The following MYBBP1A variants were observed in gnomAD, a reference collection of about 807,000 sequenced individuals.
MYBBP1A encodes MYB binding protein 1a.
In MYBBP1A, 147 loss-of-function variants were observed where a neutral mutation model predicts 136.3. The ratio of observed to expected loss-of-function variants is 1.08; its 90% CI spans 0.94 to 1.24. The LOEUF (loss-of-function observed/expected upper bound fraction) is 1.24, where lower values mean the gene tolerates loss of function less well. Ranked by LOEUF, MYBBP1A falls within the 50% of genes most tolerant of loss-of-function variation. The pLI is 0.00. For missense variants in MYBBP1A, 2,060 were observed against 1,727.4 expected (o/e 1.19, Z -3.41); for synonymous variants, 947 against 735.8 (o/e 1.29, Z -4.65).
chr17:4,545,576 A>C lies in MYBBP1A; in HGVS notation c.2073+34T>G, dbSNP rs374463822. 2.0e-4 allele frequency: 312 copies of C among 1,549,988 alleles called. 3 individuals are homozygous for C. In the East Asian group the frequency reaches 3.3e-3, roughly 17 times the overall value. On this transcript the variant is annotated intron_variant, in intron 15 of 25. Coordinates refer to ENST00000254718, the MANE Select transcript of MYBBP1A (RefSeq NM_014520.4). ...TGCAGCTCGCTGCTCAGTGAGCCCCAGCCCACATTCCACTCCCAAAGGTCC... is the reference window on the plus strand; with the variant it reads ...TGCAGCTCGCTGCTCAGTGAGCCCCCGCCCACATTCCACTCCCAAAGGTCC...
chr17:4,549,962 G>T, intron 9 of MYBBP1A, 96 bp downstream of exon 9: 1 of 1,372,432 alleles, frequency 7.3e-7, no homozygotes, highest in Non-Finnish European at 1.0e-6. Context: ...ATGGTTTAGA[G>T]CCAGGACGCT....
In MYBBP1A at chr17:4,539,823, C is replaced by T. The variant is rs1906190848; in HGVS notation, c.3579G>A (p.Glu1193=). ...KRKSEDGTPA[E]DGTPAATGGS... is the part of the protein sequence containing the mutation. ...CGCCGGTGGCTGCAGGTGTGCCATC[C>T]TCCGCTGGCGTGCCATCCTCTGACT... The change falls in exon 26 of 26, where the codon GAG becomes GAA. Residue 1193 remains glutamate (E), a synonymous_variant. Coordinates refer to ENST00000254718, the MANE Select transcript of MYBBP1A (RefSeq NM_014520.4). The T allele has an allele frequency of 6.2e-7, 1 of 1,611,006 alleles. No homozygotes were observed. The highest frequency in any genetic ancestry group is 8.5e-7 in the Non-Finnish European group (1 of 1,179,986).
Position 4,553,350 on chromosome 17 carries a change from AG to A in MYBBP1A, c.561+459del, listed in dbSNP as rs979384674. 9.8e-5 allele frequency among the ~76,000 whole-genome samples: 15 copies of A among 152,346 alleles called. 1 individual carries two copies. The highest frequency in any genetic ancestry group is 1.3e-4 in the Admixed American group (2 of 15,312). Reference sequence around the variant, plus strand: ...CCAAGTAGGGCAGTGGAGGCCCACAAGGGGCCAGCCTTGACCAGGATAACAA... The same window carrying A: ...CCAAGTAGGGCAGTGGAGGCCCACAAGGGCCAGCCTTGACCAGGATAACAA... On this transcript the variant is annotated intron_variant, in intron 5 of 25. Coordinates refer to ENST00000254718, the MANE Select transcript of MYBBP1A (RefSeq NM_014520.4).
intron 17 of MYBBP1A, 32 bp downstream of exon 17, chr17:4,544,994 C>CGG: frequency 9.8e-6 from 14 of 1,424,998 alleles, no homozygotes; most frequent in East Asian, 2.6e-5. Context: ...GAGCCCTCCC[C>CGG]GGCCGCCCCC....
At chr17:4,544,412 A>AT in intron 19 of MYBBP1A, 77 bp downstream of exon 19, 1 of 1,521,368 alleles carries the variant, frequency 6.6e-7, no homozygotes, top group East Asian at 2.5e-5. Context: ...CTGTGCAGAC[A>AT]GCAAGCCTAG....
At chr17:4,550,385 C>T (rs764703569) in intron 8 of MYBBP1A, 32 bp from the exon 9 acceptor site, 3 of 1,585,702 alleles carry the variant, frequency 1.9e-6, no homozygotes, top group East Asian at 4.5e-5. Context: ...CTGAGCCCAC[C>T]AGCCCAGGGG....
chr17:4,545,383 C>T (rs1405327373), intron 15 of MYBBP1A, 38 bp from the exon 16 acceptor site: 11 of 1,608,376 alleles, frequency 6.8e-6, no homozygotes, highest in South Asian at 1.1e-5. Flanking sequence ...ATTTGCAGCC[C>T]CCGCCCTCCT....
chr17:4,548,692 G>C lies in MYBBP1A; in HGVS notation c.1431-43C>G. The C allele has an allele frequency of 6.2e-7, 1 of 1,612,124 alleles. No individual in the cohort carries two copies. Among genetic ancestry groups the C allele is most frequent in the Non-Finnish European group, 8.5e-7 (1 of 1,179,084 alleles). On this transcript the variant is annotated intron_variant, in intron 10 of 25. Coordinates refer to ENST00000254718, the MANE Select transcript of MYBBP1A (RefSeq NM_014520.4). This position sits in a 1 kb window ranked among gnomAD's most constrained non-coding sequence, Gnocchi z 4.2. ...GTGGCCATAGCCATTCACTGCCATT[G>C]GTTTTTACAGGCTCCCCTCCTTGGA...
chr17:4,551,049 A>G (rs1355129604), intron 8 of MYBBP1A, among the ~76,000 whole-genome samples: 1 of 152,326 alleles, frequency 6.6e-6, no homozygotes, highest in African/African-American at 2.4e-5. Context: ...TGCCATGATC[A>G]TGGCTCACTG....
Position 4,551,838 on chromosome 17 carries a change from C to G in MYBBP1A, c.1023+42G>C, listed in dbSNP as rs773781828. The G allele has an allele frequency of 5.7e-6, 9 of 1,572,272 alleles. No individual in the cohort carries two copies. In the South Asian group the frequency reaches 1.0e-4, roughly 18 times the overall value. On this transcript the variant is annotated intron_variant, in intron 8 of 25. Transcript: ENST00000254718. ...CTTTTTGGCAGGGAGAGCTCCACGT[C>G]TAGCCTTTCTGGCAGTGTCGAGCTG...
Position 4,543,031 on chromosome 17 carries a change from T to C in MYBBP1A, c.2774A>G (p.Asn925Ser), listed in dbSNP as rs1906611357. The change falls in exon 20 of 26, where the codon AAC becomes AGC. Residue 925 changes from asparagine to serine, a missense_variant. Coordinates refer to ENST00000254718, the MANE Select transcript of MYBBP1A (RefSeq NM_014520.4). ...GACCCGGAGCAGGTAGAGAGAGGCG[T>C]TGAAGTGGTAGAGGGCGGTGGGGGA... ...PDSPTALYHF[N>S]ASLYLLRVLK... 1.2e-6 allele frequency: 2 copies of C among 1,613,640 alleles called. No homozygotes were observed. The highest frequency in any genetic ancestry group is 1.7e-6 in the Non-Finnish European group (2 of 1,179,926).
intron 13 of MYBBP1A, among the ~76,000 whole-genome samples, chr17:4,546,877 G>GC (rs1907059866): frequency 6.6e-6 from 1 of 151,348 alleles, no homozygotes; most frequent in Admixed American, 6.6e-5. Context: ...CAGGCTGTGT[G>GC]CCCAAGCAGG....
intron 4 of MYBBP1A, 34 bp downstream of exon 4, chr17:4,553,985 G>A (rs1907775974): frequency 6.2e-7 from 1 of 1,613,710 alleles, no homozygotes; most frequent in South Asian, 1.1e-5. Context: ...TCCCAAGCCA[G>A]CCTACATTCC....
Position 4,548,659 on chromosome 17 carries a change from G to A in MYBBP1A, c.1431-10C>T, listed in dbSNP as rs768309572. On this transcript the variant is annotated splice_polypyrimidine_tract_variant and intron_variant, in intron 10 of 25. Transcript: ENST00000254718. This position sits in a 1 kb window ranked among gnomAD's most constrained non-coding sequence, Gnocchi z 4.2. ...GTGGAACAAACAAAACCTGGGGAGG[G>A]TGGGAGAGTGGCCATAGCCATTCAC... 1 of 1,614,092 alleles carries A rather than the reference G, an allele frequency of 6.2e-7. No individual in the cohort carries two copies. Among genetic ancestry groups the A allele is most frequent in the Non-Finnish European group, 8.5e-7 (1 of 1,180,020 alleles).
rs200081227 is a variant in MYBBP1A at position 4,542,489 on chromosome 17, G to A, written c.3062C>T (p.Thr1021Met). 602 of 1,611,724 alleles carry A rather than the reference G, an allele frequency of 3.7e-4. No individual in the cohort carries two copies. The highest frequency in any genetic ancestry group is 1.1e-3 in the South Asian group (101 of 90,882). Residue 1021 changes from threonine (T) to methionine (M), a missense_variant, in exon 22 of 26, where the codon ACG (threonine) becomes ATG (methionine). Coordinates refer to ENST00000254718, the MANE Select transcript of MYBBP1A (RefSeq NM_014520.4). ...SLLPILVQHI[T>M]GPVRPRHQAC... ...CTGATGACGGGGCCGCACCGGGCCC[G>A]TGATATGCTGGACCAGGATGGGGAG... is the stretch of plus-strand genomic sequence containing the variant.
chr17:4,545,055 T>G lies in MYBBP1A; in HGVS notation c.2281A>C (p.Met761Leu), dbSNP rs138647967. The G allele has an allele frequency of 1.2e-3, 1,723 of 1,491,842 alleles. 9 individuals carry two copies. The highest frequency in any genetic ancestry group is 8.8e-3 in the Middle Eastern group (50 of 5,660). 92.4% of individuals were successfully genotyped at this position (1,491,842 alleles called of 1,614,324 possible). A position where few individuals can be genotyped will look rare whatever the true frequency, so the allele number is the denominator to read the frequency against. ...DVDQGFREQLMTVLQAGKALG... is the reference protein window; with the variant it reads ...DVDQGFREQLLTVLQAGKALG... ...GCCTTCCCAGCCTGCAGCACGGTCA[T>G]CAGCTGTTCCCGGAAGCCCTGATCC... The change falls in exon 17 of 26, where the codon ATG becomes CTG. Residue 761 changes from methionine (M) to leucine (L), a missense_variant. Physicochemically the swap from Met to Leu is conservative, Grantham distance 15 (BLOSUM62 2). Transcript: ENST00000254718.
chr17:4,554,177 C>T lies in MYBBP1A; in HGVS notation c.378+18G>A. 1 of 1,613,932 alleles carries T rather than the reference C, an allele frequency of 6.2e-7. No individual in the cohort carries two copies. The highest frequency in any genetic ancestry group is 1.1e-5 in the South Asian group (1 of 91,074). On this transcript the variant is annotated intron_variant, in intron 3 of 25. Coordinates refer to ENST00000254718, the MANE Select transcript of MYBBP1A (RefSeq NM_014520.4). The stretch of plus-strand genomic sequence containing the variant: ...CTCCCACCCCTGGGGCTGCTGACCT[C>T]CCTGGCCCCACTCTCACCTTCTTCA...
chr17:4,542,073 C>A, intron 22 of MYBBP1A, 182 bp from the exon 23 acceptor site: 1 of 602,616 alleles, frequency 1.7e-6, no homozygotes, highest in East Asian at 2.8e-5. Flanking sequence ...GACACCAAGG[C>A]CTCCCAGCTG....
rs760012924 is a variant in MYBBP1A, at chr17:4,538,989, C to A, written c.*426G>T. ...GAATCTCAGAGTCTTAAGAGAGAAG[C>A]CAAATATATTCCTCTTGTAAATGAA... On this transcript the variant is annotated 3_prime_UTR_variant, in exon 26 of 26. Transcript: ENST00000254718. The A allele has an allele frequency of 5.0e-6, 4 of 803,638 alleles. No homozygotes were observed. The highest frequency in any genetic ancestry group is 9.1e-6 in the Non-Finnish European group (4 of 438,834). 49.8% of individuals were successfully genotyped at this position (803,638 alleles called of 1,614,324 possible).
Sources: allele counts gnomAD v4.1 joint callset (sites outside exome capture counted in the v4.1 genomes callset), GRCh38; gene constraint gnomAD v4.1.1; non-coding constraint Gnocchi (gnomAD v3.1); transcripts MANE v1.5; gene names NCBI Gene and HGNC (gene_info 2026-07-23, HGNC 2026-07-21).